Variants in SGCD observed in about 807,000 individuals in gnomAD.
SGCD encodes delta-sarcoglycan.
SGCD carries 18 observed loss-of-function variants against 36.6 expected under a neutral mutation model. The ratio of observed to expected loss-of-function variants is 0.49; its 90% CI spans 0.34 to 0.73. The LOEUF is 0.73. SGCD is among the 30% of genes least tolerant of loss of function. The pLI, the probability that SGCD is intolerant of heterozygous loss-of-function variation, is 0.01. For synonymous variants in SGCD, 133 were observed against 130.6 expected (o/e 1.02, Z -0.12); for missense variants, 387 against 346.7 (o/e 1.12, Z -0.92).
At chr5:156,474,419 C>A (rs182495462) in intron 3 of SGCD, among the ~76,000 whole-genome samples, 1 of 152,176 alleles carries the variant, frequency 6.6e-6, no homozygotes, top group African/African-American at 2.4e-5. Context: ...TGGCTGCTGA[C>A]GCTCCTTTCC....
At position 155,983,420 on chromosome 5, in the gene SGCD, C is replaced by T. The variant is rs1009896290; in HGVS notation, c.-282+112996C>T. 9.2e-5 allele frequency among the ~76,000 whole-genome samples: 14 copies of T among 152,304 alleles called. No individual in the cohort carries two copies. In the South Asian group the frequency reaches 2.9e-3, roughly 32 times the overall value. On this transcript the variant is annotated intron_variant, in intron 1 of 9. Coordinates refer to the SGCD transcript ENST00000517913. The stretch of plus-strand genomic sequence containing the variant: ...GTTCGAGTGATTCTCCTGTCTCAGC[C>T]TCCCATGTAGCCGGGATAACAGGTG...
intron 3 of SGCD, among the ~76,000 whole-genome samples, chr5:156,125,016 C>T (rs543111643): frequency 3.3e-5 from 5 of 152,244 alleles, no homozygotes; most frequent in Non-Finnish European, 1.5e-5. Flanking sequence ...TCTCTGTGCT[C>T]ACTGTAGAGA....
intron 3 of SGCD, among the ~76,000 whole-genome samples, chr5:156,391,595 G>A (rs1336185390): frequency 1.3e-5 from 2 of 152,090 alleles, no homozygotes; most frequent in Admixed American, 6.6e-5. Context: ...ATTGTATTAG[G>A]CATTAAAAAT....
chr5:156,078,403 C>T (rs1391859734), intron 1 of SGCD, among the ~76,000 whole-genome samples: 3 of 151,156 alleles, frequency 2.0e-5, no homozygotes, highest in Admixed American at 6.6e-5. Context: ...ATCCCAGCTA[C>T]TCAGGAGGCT....
In SGCD at chr5:156,103,414, C is replaced by T. The variant is rs145915978; in HGVS notation, c.-281-14464C>T. 1.1e-4 allele frequency among the ~76,000 whole-genome samples: 17 copies of T among 152,240 alleles called. No homozygotes were observed. The East Asian group carries it at 3.1e-3, about 28-fold the overall frequency. On this transcript the variant is annotated intron_variant, in intron 1 of 9. Transcript: ENST00000517913. ...TCCGGGTCTGAAAATCCTCTTAGTA[C>T]TTAAATGCTGGATGCATTGATTCAT...
intron 3 of SGCD, among the ~76,000 whole-genome samples, chr5:156,144,059 A>G (rs1762646502): frequency 6.6e-6 from 1 of 151,736 alleles, no homozygotes. Flanking sequence ...CCTACAAAGG[A>G]CATGAACTCT....
chr5:156,048,241 G>A lies in SGCD; in HGVS notation c.-281-69637G>A, dbSNP rs181852947. 3.4e-3 allele frequency among the ~76,000 whole-genome samples: 523 copies of A among 152,276 alleles called. 2 individuals are homozygous for A. The highest frequency in any genetic ancestry group is 6.0e-3 in the Non-Finnish European group (408 of 68,022). ...CTATCATTGTTGGGCATTTGGCTTG[G>A]TTCCCAGTCTTTGCTATTGTGAATA... On this transcript the variant is annotated intron_variant, in intron 1 of 9. Transcript: ENST00000517913.
intron 4 of SGCD, among the ~76,000 whole-genome samples, chr5:156,536,368 T>C (rs1446901019): frequency 6.6e-6 from 1 of 152,162 alleles, no homozygotes; most frequent in South Asian, 2.1e-4. Context: ...TGAATCTGCT[T>C]TGAAAAACAG....
At chr5:156,556,506 G>A (rs1480234192) in intron 4 of SGCD, among the ~76,000 whole-genome samples, 3 of 152,066 alleles carry the variant, frequency 2.0e-5, no homozygotes, top group African/African-American at 7.2e-5. Flanking sequence ...GATCATTTGT[G>A]TTTAGCAATG....
intron 3 of SGCD, among the ~76,000 whole-genome samples, chr5:156,305,260 G>A (rs1241820950): frequency 6.6e-6 from 1 of 152,152 alleles, no homozygotes; most frequent in African/African-American, 2.4e-5. Context: ...GTAGTTTCAT[G>A]GGCTGGGACC....
At chr5:156,290,417 T>C (rs892891289) in intron 3 of SGCD, among the ~76,000 whole-genome samples, 1 of 152,154 alleles carries the variant, frequency 6.6e-6, no homozygotes, top group African/African-American at 2.4e-5. Context: ...ATAAGGAAGA[T>C]TGCTCAAGAA....
chr5:156,304,574 G>A (rs1330680980), intron 3 of SGCD, among the ~76,000 whole-genome samples: 1 of 152,152 alleles, frequency 6.6e-6, no homozygotes, highest in African/African-American at 2.4e-5. Flanking sequence ...TTTATCAGCA[G>A]TATGAAAATG....
rs2113203542 is a variant in SGCD at position 156,763,603 on chromosome 5, G to C, written c.*4213G>C. 2 of 152,168 alleles carry C rather than the reference G, an allele frequency of 1.3e-5. No individual in the cohort carries two copies. The highest frequency in any genetic ancestry group is 3.9e-4 in the East Asian group (2 of 5,168). 9.4% of individuals were successfully genotyped at this position (152,168 alleles called of 1,614,324 possible). A position where few individuals can be genotyped will look rare whatever the true frequency, so the allele number is the denominator to read the frequency against. ...AACAACAACAACAAAAACATATTTT[G>C]AAAAGACATATTCTGACATCTCTGC... On this transcript the variant is annotated 3_prime_UTR_variant, in exon 9 of 9. Coordinates refer to ENST00000337851, the MANE Select transcript of SGCD (RefSeq NM_000337.6).
At chr5:156,355,795 C>A (rs966553142) in intron 3 of SGCD, among the ~76,000 whole-genome samples, 1 of 152,198 alleles carries the variant, frequency 6.6e-6, no homozygotes, top group African/African-American at 2.4e-5. Context: ...TGCCACCACG[C>A]CTGGCTAATT....
At chr5:156,607,078 C>T (rs1661096175) in intron 6 of SGCD, among the ~76,000 whole-genome samples, 1 of 152,168 alleles carries the variant, frequency 6.6e-6, no homozygotes, top group African/African-American at 2.4e-5. Context: ...ACTTCCAACA[C>T]TATGTTGAAT....
chr5:155,773,789 G>A, the SGCD span, among the ~76,000 whole-genome samples: 3 of 152,102 alleles, frequency 2.0e-5, 1 homozygote, highest in Admixed American at 2.0e-4. Flanking sequence ...CCTTTTCTAG[G>A]ACTTTGGGTT....
At chr5:156,564,277 G>A (rs899605669) in intron 4 of SGCD, among the ~76,000 whole-genome samples, 10 of 152,100 alleles carry the variant, frequency 6.6e-5, no homozygotes, top group South Asian at 2.1e-4. Flanking sequence ...GTGAAACCTC[G>A]TCTCTACTAA....
chr5:156,033,604 G>A (rs1759411032), intron 1 of SGCD, among the ~76,000 whole-genome samples: 1 of 152,276 alleles, frequency 6.6e-6, no homozygotes, highest in East Asian at 1.9e-4. Context: ...AGTAATAAAA[G>A]TCATCCAGTT....
At chr5:156,653,289 C>T (rs1266971669) in intron 7 of SGCD, among the ~76,000 whole-genome samples, 13 of 47,060 alleles carry the variant, frequency 2.8e-4, no homozygotes, top group South Asian at 1.0e-3. Flanking sequence ...TCATTCTTTT[C>T]GGGGTTTCAA....
Sources: gnomAD v4.1 joint callset for allele counts (sites outside exome capture counted in the v4.1 genomes callset) on GRCh38, gnomAD v4.1.1 for gene constraint, MANE v1.5 for transcripts, NCBI Gene and HGNC (gene_info 2026-07-23, HGNC 2026-07-21) for gene names.